TBXAS1: variants seen among roughly 807,000 people sequenced by gnomAD.
TBXAS1 encodes the protein thromboxane-A synthase.
A neutral mutation model predicts 60.7 loss-of-function variants in TBXAS1; 48 were observed. That is an observed-to-expected ratio of 0.79 (90% CI 0.63 to 1.01). The LOEUF (loss-of-function observed/expected upper bound fraction) is 1.01, where lower values mean the gene tolerates loss of function less well. TBXAS1 is among the 50% of genes least tolerant of loss of function. The pLI is 0.00. For synonymous variants in TBXAS1, 287 were observed against 269.7 expected (o/e 1.06, Z -0.63); for missense variants, 685 against 686.3 (o/e 1.00, Z 0.02).
intron 10 of TBXAS1, among the ~76,000 whole-genome samples, chr7:140,015,253 A>C (rs1038875923): frequency 2.6e-5 from 4 of 152,102 alleles, no homozygotes; most frequent in African/African-American, 9.7e-5. Flanking sequence ...CAGCAGGGCT[A>C]GTCAGTGAAA....
chr7:139,805,662 CTT>C (rs1416896465), intron 4 of TBXAS1, among the ~76,000 whole-genome samples: 2 of 67,814 alleles, frequency 2.9e-5, no homozygotes, highest in East Asian at 4.7e-4. Context: ...TTCTTTTTCT[CTT>C]TCTTTCTTTC....
At chr7:139,954,917 A>G (rs1160663265) in intron 6 of TBXAS1, among the ~76,000 whole-genome samples, 2 of 152,186 alleles carry the variant, frequency 1.3e-5, no homozygotes, top group South Asian at 2.1e-4. Context: ...GTTCATTGCT[A>G]TTAAGAAAAC....
At chr7:139,830,728 C>T (rs1199176838) in intron 1 of TBXAS1, among the ~76,000 whole-genome samples, 1 of 152,010 alleles carries the variant, frequency 6.6e-6, no homozygotes, top group Non-Finnish European at 1.5e-5. Context: ...TCGATGTCAG[C>T]CACTATAATT....
intron 7 of TBXAS1, among the ~76,000 whole-genome samples, chr7:139,957,129 C>CACAACAGCAA (rs1809927626): frequency 6.6e-6 from 1 of 152,228 alleles, no homozygotes; most frequent in Non-Finnish European, 1.5e-5. Context: ...GCAGCAACAG[C>CACAACAGCAA]CAGTACCCTT....
chr7:139,877,888 G>A (rs1170436632), intron 3 of TBXAS1, among the ~76,000 whole-genome samples: 2 of 152,076 alleles, frequency 1.3e-5, no homozygotes, highest in East Asian at 3.8e-4. Flanking sequence ...CAATGACTTG[G>A]AGACTGTCTC....
intron 1 of TBXAS1, among the ~76,000 whole-genome samples, chr7:139,855,911 G>GC (rs1800549159): frequency 6.6e-6 from 1 of 152,154 alleles, no homozygotes; most frequent in African/African-American, 2.4e-5. Context: ...AGTGAAAAAA[G>GC]CAAGTCTGAG....
In TBXAS1 at chr7:139,892,152, T is replaced by C. The variant is rs138666651; in HGVS notation, c.236+16515T>C. On this transcript the variant is annotated intron_variant, in intron 3 of 12. Coordinates refer to ENST00000448866, the MANE Select transcript of TBXAS1 (RefSeq NM_001061.7). ...TCATATCCTACTCCCGAAGAGCTGA[T>C]ACCTCCCATAACCTCATTCTTAGGG... Among the ~76,000 whole-genome samples the C allele has an allele frequency of 6.5e-4, 99 of 152,338 alleles. 1 individual carries two copies. In the East Asian group the frequency reaches 0.014, roughly 21 times the overall value.
At chr7:139,986,797 GTGTATATATATATATATA>G (rs1414085922) in intron 9 of TBXAS1, among the ~76,000 whole-genome samples, 3 of 40,272 alleles carry the variant, frequency 7.4e-5, no homozygotes, top group Non-Finnish European at 9.2e-5. Context: ...GTGTGTGTGT[GTGTATATATATATATATA>G]TACACCATAG....
At chr7:139,785,882 C>G (rs546573229) in intron 3 of TBXAS1, among the ~76,000 whole-genome samples, 1 of 151,944 alleles carries the variant, frequency 6.6e-6, no homozygotes, top group South Asian at 2.1e-4. Context: ...GTGTCCTGAA[C>G]TCCACGTCTT....
intron 9 of TBXAS1, among the ~76,000 whole-genome samples, chr7:139,998,382 C>T (rs1813442387): frequency 6.6e-6 from 1 of 151,802 alleles, no homozygotes; most frequent in Admixed American, 6.6e-5. Context: ...ATAAAATGTA[C>T]AAGAGGAAAG....
chr7:139,876,661 C>T (rs1294570823), intron 3 of TBXAS1, among the ~76,000 whole-genome samples: 1 of 152,160 alleles, frequency 6.6e-6, no homozygotes, highest in Non-Finnish European at 1.5e-5. Flanking sequence ...AGGAAGCCCA[C>T]AGTTTTGGTC....
chr7:139,883,116 G>A (rs770743147), intron 3 of TBXAS1, among the ~76,000 whole-genome samples: 24 of 152,134 alleles, frequency 1.6e-4, no homozygotes, highest in Non-Finnish European at 2.8e-4. Flanking sequence ...CAAGCACACT[G>A]CCCAGTAGGT....
intron 10 of TBXAS1, among the ~76,000 whole-genome samples, chr7:140,011,778 T>C (rs1284902844): frequency 1.3e-5 from 2 of 152,174 alleles, no homozygotes; most frequent in Non-Finnish European, 2.9e-5. Context: ...GCACAATGAA[T>C]GTACTAAAAC....
At chr7:139,908,576 T>C (rs1410567290) in intron 3 of TBXAS1, among the ~76,000 whole-genome samples, 1 of 152,190 alleles carries the variant, frequency 6.6e-6, no homozygotes, top group Non-Finnish European at 1.5e-5. Flanking sequence ...TTGAGTGATA[T>C]GTAGAAATCT....
At chr7:140,007,771 C>G (rs1030923672) in intron 10 of TBXAS1, among the ~76,000 whole-genome samples, 18 of 152,184 alleles carry the variant, frequency 1.2e-4, no homozygotes, top group African/African-American at 4.3e-4. Context: ...GTCCTCCCTG[C>G]CCTTCCTCCT....
chr7:139,983,589 C>G (rs1308964324), intron 9 of TBXAS1, among the ~76,000 whole-genome samples: 3 of 152,104 alleles, frequency 2.0e-5, no homozygotes, highest in Non-Finnish European at 4.4e-5. Context: ...AAGACACCAA[C>G]CCAATAGATC....
At chr7:139,814,336 A>G (rs1230166074) in intron 4 of TBXAS1, among the ~76,000 whole-genome samples, 1 of 152,162 alleles carries the variant, frequency 6.6e-6, no homozygotes, top group Non-Finnish European at 1.5e-5. Context: ...CAGATTCAAA[A>G]AGCTGGACTC....
At chr7:139,818,356 G>T (rs1271604806) in intron 4 of TBXAS1, among the ~76,000 whole-genome samples, 1 of 152,192 alleles carries the variant, frequency 6.6e-6, no homozygotes, top group East Asian at 1.9e-4. Flanking sequence ...TACAGACAGG[G>T]ATGGAACTAG....
rs1809372677 is a variant in TBXAS1, at chr7:139,951,939, A to G, written c.451-1429A>G. On this transcript the variant is annotated intron_variant, in intron 5 of 12. Transcript: ENST00000448866. The stretch of plus-strand genomic sequence containing the variant: ...AAAGAGAGAAAGAAAGAGAGAAAGA[A>G]GGAAAGAAAGAAAAGAAAGAAAGAA... 2.1e-4 allele frequency among the ~76,000 whole-genome samples: 10 copies of G among 48,334 alleles called. 1 individual carries two copies. Among genetic ancestry groups the G allele is most frequent in the South Asian group, 7.4e-4 (1 of 1,344 alleles). The allele number at this position is 48,334 out of a possible 152,430, so 31.7% of individuals were successfully genotyped here. A position where few individuals can be genotyped will look rare whatever the true frequency, so the allele number is the denominator to read the frequency against.
Sources: gnomAD v4.1 joint callset for allele counts (sites outside exome capture counted in the v4.1 genomes callset) on GRCh38, gnomAD v4.1.1 for gene constraint, MANE v1.5 for transcripts, NCBI Gene and HGNC (gene_info 2026-07-23, HGNC 2026-07-21) for gene names.